Variants in KCNQ1 observed in about 807,000 individuals in gnomAD.
KCNQ1 encodes the protein potassium voltage-gated channel subfamily Q member 1.
KCNQ1 carries 49 observed loss-of-function variants against 72.4 expected under a neutral mutation model. The observed-to-expected ratio is 0.68, with a 90% confidence interval of 0.54 to 0.86. KCNQ1 has a LOEUF of 0.86. Among genes scored for constraint, KCNQ1 ranks in the 40% least tolerant of loss-of-function variants. KCNQ1 has a pLI of 0.00. For synonymous variants in KCNQ1, 450 were observed against 412.6 expected (o/e 1.09, Z -1.10); for missense variants, 790 against 945.1 (o/e 0.84, Z 2.15).
In KCNQ1 at chr11:2,563,182, AC is replaced by A. The variant is rs1848198917; in HGVS notation, c.478-7442del. Among the ~76,000 whole-genome samples, 1 of 152,002 alleles carries A rather than the reference AC, an allele frequency of 6.6e-6. No homozygotes were observed. Among genetic ancestry groups the A allele is most frequent in the Non-Finnish European group, 1.5e-5 (1 of 67,990 alleles). ...AGCATGGAACTTCAAAACACATTGAACCCCAGAAAATCTTCGCTATGTTGGA... is the reference window on the plus strand; with the variant it reads ...AGCATGGAACTTCAAAACACATTGAACCCAGAAAATCTTCGCTATGTTGGA... On this transcript the variant is annotated intron_variant, in intron 2 of 15. Coordinates refer to ENST00000155840, the MANE Select transcript of KCNQ1 (RefSeq NM_000218.3). The surrounding 1 kb of genome is among the most constrained non-coding windows in gnomAD (Gnocchi z 7.4).
chr11:2,687,616 C>T lies in KCNQ1; in HGVS notation c.1514+25535C>T. The T allele has an allele frequency of 2.5e-6, 1 of 398,770 alleles. No individual in the cohort carries two copies. The highest frequency in any genetic ancestry group is 3.6e-5 in the East Asian group (1 of 28,078). The allele number at this position is 398,770 out of a possible 1,614,324, so 24.7% of individuals were successfully genotyped here. ...AGAAAGGAAGGGGCAGAGATCCCTT[C>T]TCCATTCCTCTCAGGCCCCTGTAAA... is the stretch of plus-strand genomic sequence containing the variant. On this transcript the variant is annotated intron_variant, in intron 11 of 15. Transcript: ENST00000155840. The surrounding 1 kb of genome is among the most constrained non-coding windows in gnomAD (Gnocchi z 5.0).
At chr11:2,524,197 G>A (rs937506667) in intron 1 of KCNQ1, among the ~76,000 whole-genome samples, 1 of 152,132 alleles carries the variant, frequency 6.6e-6, no homozygotes, top group African/African-American at 2.4e-5. Flanking sequence ...GCTCGGCGAC[G>A]GGAAAGCTGC....
Position 2,567,126 on chromosome 11 carries a change from T to A in KCNQ1, c.478-3502T>A, listed in dbSNP as rs974156801. 6.6e-6 allele frequency among the ~76,000 whole-genome samples: 1 copy of A among 152,028 alleles called. No individual in the cohort carries two copies. Among genetic ancestry groups the A allele is most frequent in the Non-Finnish European group, 1.5e-5 (1 of 67,958 alleles). On this transcript the variant is annotated intron_variant, in intron 2 of 15. Transcript: ENST00000155840. The surrounding 1 kb of genome is among the most constrained non-coding windows in gnomAD (Gnocchi z 6.6). ...GGGAAGGAGGCCTCAGGGACAGCCCTAGACTGTCACCCTCAGTGTGGACAG... is the reference window on the plus strand; with the variant it reads ...GGGAAGGAGGCCTCAGGGACAGCCCAAGACTGTCACCCTCAGTGTGGACAG...
intron 10 of KCNQ1, chr11:2,656,692 A>G (rs1017299545): frequency 2.5e-6 from 1 of 398,274 alleles, no homozygotes; most frequent in African/African-American, 2.1e-5. Flanking sequence ...TTCACTCTTT[A>G]AGGTGTATTT....
intron 6 of KCNQ1, 82 bp downstream of exon 6, chr11:2,573,068 A>G: frequency 6.6e-7 from 1 of 1,514,888 alleles, no homozygotes; most frequent in Non-Finnish European, 8.9e-7. Context: ...TGGTGTCTTG[A>G]GACTTCGGGC....
rs1355404699 is a variant in KCNQ1, at chr11:2,828,424, A to C, written c.1795-19343A>C. ...AACTAGGGTAAAGTGGTCAGGAGAA[A>C]AGAGGAGACCAAAAATATGTTGACA... is the stretch of plus-strand genomic sequence containing the variant. On this transcript the variant is annotated intron_variant, in intron 15 of 15. Transcript: ENST00000155840. This position sits in a 1 kb window ranked among gnomAD's most constrained non-coding sequence, Gnocchi z 5.3. Among the ~76,000 whole-genome samples the C allele has an allele frequency of 6.6e-6, 1 of 152,228 alleles. No homozygotes were observed. The highest frequency in any genetic ancestry group is 1.5e-5 in the Non-Finnish European group (1 of 68,036).
At position 2,662,062 on chromosome 11, in the gene KCNQ1, C is replaced by G; in HGVS notation, c.1495C>G (p.Pro499Ala). The stretch of plus-strand genomic sequence containing the variant: ...CCTGGAAGGGGAGACTCTGCTGACA[C>G]CCATCACCCACATCTCACAGTGAGT... ...LDLEGETLLT[P>A]ITHISQLREH... The change falls in exon 11 of 16, where the codon CCC becomes GCC. Residue 499 changes from proline to alanine, a missense_variant. Physicochemically the swap from Pro to Ala is conservative, Grantham distance 27. This residue lies in a region of KCNQ1 where 178 missense variants were observed against 177.9 expected (regional missense o/e 1.00). Coordinates refer to ENST00000155840, the MANE Select transcript of KCNQ1 (RefSeq NM_000218.3). The G allele has an allele frequency of 6.2e-7, 1 of 1,614,224 alleles. No individual in the cohort carries two copies. Among genetic ancestry groups the G allele is most frequent in the South Asian group, 1.1e-5 (1 of 91,088 alleles).
At position 2,668,873 on chromosome 11, in the gene KCNQ1, C is replaced by T; in HGVS notation, c.1514+6792C>T. On this transcript the variant is annotated intron_variant, in intron 11 of 15. Coordinates refer to ENST00000155840, the MANE Select transcript of KCNQ1 (RefSeq NM_000218.3). This position sits in a 1 kb window ranked among gnomAD's most constrained non-coding sequence, Gnocchi z 4.3. ...TTGTGTCCTATTTAAGAAACTTTGACTACTCCAAGGTCATAAAGATATTCT... is the reference window on the plus strand; with the variant it reads ...TTGTGTCCTATTTAAGAAACTTTGATTACTCCAAGGTCATAAAGATATTCT... 2.5e-6 allele frequency: 1 copy of T among 398,630 alleles called. No homozygotes were observed. The highest frequency in any genetic ancestry group is 4.4e-5 in the Admixed American group (1 of 22,740). 24.7% of individuals were successfully genotyped at this position (398,630 alleles called of 1,614,324 possible). A position where few individuals can be genotyped will look rare whatever the true frequency, so the allele number is the denominator to read the frequency against.
intron 1 of KCNQ1, among the ~76,000 whole-genome samples, chr11:2,525,506 C>T (rs2299616): frequency 0.44 from 66,826 of 152,218 alleles, 17,744 homozygotes; most frequent in Non-Finnish European, 0.6. Flanking sequence ...ACATCCTGTC[C>T]AAGCTGGCCA....
chr11:2,552,273 A>G (rs1012531714), intron 2 of KCNQ1, among the ~76,000 whole-genome samples: 2 of 152,130 alleles, frequency 1.3e-5, no homozygotes, highest in African/African-American at 4.8e-5. Flanking sequence ...GTTTAATTTT[A>G]TATATGGTGA....
At position 2,547,340 on chromosome 11, in the gene KCNQ1, C is replaced by T. The variant is rs1042527491; in HGVS notation, c.477+19322C>T. Among the ~76,000 whole-genome samples, 2 of 152,172 alleles carry T rather than the reference C, an allele frequency of 1.3e-5. No homozygotes were observed. The highest frequency in any genetic ancestry group is 2.4e-5 in the African/African-American group (1 of 41,442). ...CATCTCCCAGGGTTTAAGTGATTTT[C>T]GTGCCTCAGCCTCCCAAGTAGCTGG... On this transcript the variant is annotated intron_variant, in intron 2 of 15. Transcript: ENST00000155840. The surrounding 1 kb of genome is among the most constrained non-coding windows in gnomAD (Gnocchi z 4.2).
Position 2,588,440 on chromosome 11 carries a change from CA to C in KCNQ1, c.1252-272del, listed in dbSNP as rs1300826637. Among the ~76,000 whole-genome samples, 1 of 152,198 alleles carries C rather than the reference CA, an allele frequency of 6.6e-6. No individual in the cohort carries two copies. Among genetic ancestry groups the C allele is most frequent in the Non-Finnish European group, 1.5e-5 (1 of 68,022 alleles). On this transcript the variant is annotated intron_variant, in intron 9 of 15. Coordinates refer to ENST00000155840, the MANE Select transcript of KCNQ1 (RefSeq NM_000218.3). This position sits in a 1 kb window ranked among gnomAD's most constrained non-coding sequence, Gnocchi z 5.6. Reference sequence around the variant, plus strand: ...CAGCCCCTGTTACCACCTCCACTGGCACCATCTTGTACGTTTATCTGCTTCC... The same window carrying C: ...CAGCCCCTGTTACCACCTCCACTGGCCCATCTTGTACGTTTATCTGCTTCC...
At chr11:2,842,310 G>A (rs577110859) in intron 15 of KCNQ1, among the ~76,000 whole-genome samples, 1 of 152,346 alleles carries the variant, frequency 6.6e-6, no homozygotes, top group African/African-American at 2.4e-5. Flanking sequence ...GCTGGTATGT[G>A]TGTGACCATG....
At chr11:2,490,516 G>A (rs886929405) in intron 1 of KCNQ1, among the ~76,000 whole-genome samples, 3 of 152,260 alleles carry the variant, frequency 2.0e-5, no homozygotes, top group Admixed American at 2.0e-4. Flanking sequence ...CACAGTCCCA[G>A]TGGTGGTGGC....
In KCNQ1 at chr11:2,492,152, G is replaced by A. The variant is rs978365203; in HGVS notation, c.387-35776G>A. Among the ~76,000 whole-genome samples, 2 of 152,108 alleles carry A rather than the reference G, an allele frequency of 1.3e-5. No homozygotes were observed. The highest frequency in any genetic ancestry group is 4.8e-5 in the African/African-American group (2 of 41,410). On this transcript the variant is annotated intron_variant, in intron 1 of 15. Transcript: ENST00000155840. The surrounding 1 kb of genome is among the most constrained non-coding windows in gnomAD (Gnocchi z 4.1). ...TGATGTGAAGGTACAAAACTCACTGGTAATACATACACAGAAATACAAATA... is the reference window on the plus strand; with the variant it reads ...TGATGTGAAGGTACAAAACTCACTGATAATACATACACAGAAATACAAATA...
At chr11:2,584,406 T>C (rs960794415) in intron 7 of KCNQ1, among the ~76,000 whole-genome samples, 1 of 149,442 alleles carries the variant, frequency 6.7e-6, no homozygotes, top group Non-Finnish European at 1.5e-5. Context: ...GGTTTGTGTT[T>C]GTGTTTCTGT....
chr11:2,631,902 G>C, intron 10 of KCNQ1: 1 of 397,862 alleles, frequency 2.5e-6, no homozygotes, highest in Non-Finnish European at 4.4e-6. Flanking sequence ...GCAACTGAAA[G>C]CTGGGCGCAG....
rs986280324 is a variant in KCNQ1, at chr11:2,668,975, A to G, written c.1514+6894A>G. Reference sequence around the variant, plus strand: ...CATCTGGGATTGATTTTTGTGTCCAATGTGAGGCCGAGGTCAAGGTCCACT... The same window carrying G: ...CATCTGGGATTGATTTTTGTGTCCAGTGTGAGGCCGAGGTCAAGGTCCACT... On this transcript the variant is annotated intron_variant, in intron 11 of 15. Transcript: ENST00000155840. This position sits in a 1 kb window ranked among gnomAD's most constrained non-coding sequence, Gnocchi z 4.3. 1 of 398,396 alleles carries G rather than the reference A, an allele frequency of 2.5e-6. No individual in the cohort carries two copies. The highest frequency in any genetic ancestry group is 2.1e-5 in the African/African-American group (1 of 48,580). 24.7% of individuals were successfully genotyped at this position (398,396 alleles called of 1,614,324 possible).
At position 2,659,532 on chromosome 11, in the gene KCNQ1, G is replaced by A. The variant is rs917397079; in HGVS notation, c.1394-2429G>A. 6 of 398,388 alleles carry A rather than the reference G, an allele frequency of 1.5e-5. No homozygotes were observed. The highest frequency in any genetic ancestry group is 2.2e-5 in the Non-Finnish European group (5 of 226,030). 24.7% of individuals were successfully genotyped at this position (398,388 alleles called of 1,614,324 possible). A position where few individuals can be genotyped will look rare whatever the true frequency, so the allele number is the denominator to read the frequency against. ...TTGAAGGACATCTTCATTGTTTCCA[G>A]TATTTGGTAATTATGAGCAGAGTTA... On this transcript the variant is annotated intron_variant, in intron 10 of 15. Coordinates refer to ENST00000155840, the MANE Select transcript of KCNQ1 (RefSeq NM_000218.3). This position sits in a 1 kb window ranked among gnomAD's most constrained non-coding sequence, Gnocchi z 4.3.
Sources: gnomAD v4.1 joint callset for allele counts (sites outside exome capture counted in the v4.1 genomes callset) on GRCh38, gnomAD v4.1.1 for gene constraint, gnomAD v4.1.1 regional missense constraint, Gnocchi (gnomAD v3.1) non-coding constraint, MANE v1.5 for transcripts, NCBI Gene and HGNC (gene_info 2026-07-23, HGNC 2026-07-21) for gene names.